Variants in C12orf42 observed in about 807,000 individuals in gnomAD.
C12orf42 encodes uncharacterized protein C12orf42.
A neutral mutation model predicts 21.6 loss-of-function variants in C12orf42; 25 were observed. The ratio of observed to expected loss-of-function variants is 1.16; its 90% CI spans 0.84 to 1.62. C12orf42 has a LOEUF of 1.62. C12orf42 is among the 40% of genes most tolerant of loss of function. The pLI is 0.00. For synonymous variants in C12orf42, 174 were observed against 175.0 expected, an observed-to-expected ratio of 0.99 and a Z score of 0.05; for missense variants, 483 against 459.3, an observed-to-expected ratio of 1.05 and a Z score of -0.47.
At chr12:103,331,132 A>G (rs2041207171) in intron 4 of C12orf42, among the ~76,000 whole-genome samples, 2 of 152,236 alleles carry the variant, frequency 1.3e-5, no homozygotes, top group African/African-American at 4.8e-5. Flanking sequence ...TGCATTTAAT[A>G]TATCTAACTT....
At chr12:103,418,240 A>G (rs549398225) in intron 2 of C12orf42, among the ~76,000 whole-genome samples, 3 of 152,298 alleles carry the variant, frequency 2.0e-5, no homozygotes, top group East Asian at 1.9e-4. Context: ...GGAATTATCA[A>G]TTCGTGAACA....
intron 1 of C12orf42, among the ~76,000 whole-genome samples, chr12:103,493,024 G>A (rs1288453724): frequency 6.6e-6 from 1 of 152,082 alleles, no homozygotes; most frequent in East Asian, 1.9e-4. Flanking sequence ...CAGGATTAAG[G>A]TTTCTGCTGT....
chr12:103,303,024 T>A (rs1379946250), intron 5 of C12orf42, among the ~76,000 whole-genome samples: 1 of 152,190 alleles, frequency 6.6e-6, no homozygotes, highest in Admixed American at 6.5e-5. Flanking sequence ...TGATTTTTTT[T>A]AAATACAGGA....
intron 4 of C12orf42, among the ~76,000 whole-genome samples, chr12:103,339,964 A>T (rs1032056287): frequency 6.6e-6 from 1 of 152,234 alleles, no homozygotes; most frequent in Non-Finnish European, 1.5e-5. Context: ...CTACAAAAAA[A>T]ATTAGCGTGT....
At chr12:103,373,309 G>T (rs1000177264) in intron 3 of C12orf42, among the ~76,000 whole-genome samples, 37 of 152,270 alleles carry the variant, frequency 2.4e-4, no homozygotes, top group African/African-American at 8.9e-4. Context: ...AAGTGGCCTC[G>T]TGTGCTATCG....
At chr12:103,557,008 C>A in the C12orf42 span, among the ~76,000 whole-genome samples, 2 of 151,554 alleles carry the variant, frequency 1.3e-5, no homozygotes, top group East Asian at 3.9e-4. Context: ...TGTGGCCCTG[C>A]CAACACCTTG....
chr12:103,098,436 A>G, the C12orf42 span, among the ~76,000 whole-genome samples: 1 of 152,230 alleles, frequency 6.6e-6, no homozygotes, highest in Non-Finnish European at 1.5e-5. Context: ...AACTTACTAA[A>G]GATACCAGAG....
At chr12:103,239,728 G>A (rs894005194) in intron 10 of C12orf42, among the ~76,000 whole-genome samples, 3 of 152,128 alleles carry the variant, frequency 2.0e-5, no homozygotes, top group Admixed American at 2.0e-4. Context: ...TTGGAAGTGG[G>A]TGTGCATGAA....
the C12orf42 span, among the ~76,000 whole-genome samples, chr12:103,551,053 T>C: frequency 6.6e-6 from 1 of 152,238 alleles, no homozygotes; most frequent in African/African-American, 2.4e-5. Flanking sequence ...TAAAATAGAA[T>C]ACCTAAGAAC....
the C12orf42 span, among the ~76,000 whole-genome samples, chr12:103,205,808 C>T: frequency 6.6e-6 from 1 of 152,062 alleles, no homozygotes; most frequent in Non-Finnish European, 1.5e-5. Context: ...TGTATTACAA[C>T]CACAGGCAAC....
At chr12:103,398,839 C>T (rs2047747751) in intron 3 of C12orf42, among the ~76,000 whole-genome samples, 1 of 152,032 alleles carries the variant, frequency 6.6e-6, no homozygotes, top group African/African-American at 2.4e-5. Context: ...GAGCAAATAG[C>T]ATGCTGTTTA....
intron 2 of C12orf42, among the ~76,000 whole-genome samples, chr12:103,477,715 A>G (rs1018673289): frequency 6.6e-6 from 1 of 152,196 alleles, no homozygotes; most frequent in African/African-American, 2.4e-5. Flanking sequence ...AGAAGCTGGA[A>G]AGGGAAGGAA....
chr12:103,153,873 G>A, the C12orf42 span, among the ~76,000 whole-genome samples: 5 of 151,770 alleles, frequency 3.3e-5, no homozygotes, highest in East Asian at 1.9e-4. Flanking sequence ...TCATAGCATC[G>A]CTATTCACAG....
chr12:103,191,532 C>A, the C12orf42 span, among the ~76,000 whole-genome samples: 40 of 83,434 alleles, frequency 4.8e-4, no homozygotes, highest in Non-Finnish European at 4.3e-4. Flanking sequence ...CATGGTGAAA[C>A]CTCCACTCTA....
At chr12:103,544,806 T>TC in the C12orf42 span, among the ~76,000 whole-genome samples, 3 of 152,226 alleles carry the variant, frequency 2.0e-5, no homozygotes, top group African/African-American at 7.2e-5. Flanking sequence ...TGATTTTTTT[T>TC]CCCGCTTTAT....
At chr12:103,335,061 GT>G (rs2041574147) in intron 4 of C12orf42, among the ~76,000 whole-genome samples, 1 of 152,050 alleles carries the variant, frequency 6.6e-6, no homozygotes, top group Non-Finnish European at 1.5e-5. Context: ...TTATTTCTGT[GT>G]TTTATGAGAG....
chr12:103,546,913 C>G, the C12orf42 span, among the ~76,000 whole-genome samples: 2 of 152,162 alleles, frequency 1.3e-5, no homozygotes, highest in East Asian at 1.9e-4. Flanking sequence ...GATGAACAGG[C>G]CTTGCTAAGT....
chr12:103,072,372 T>C, the C12orf42 span, among the ~76,000 whole-genome samples: 70 of 152,138 alleles, frequency 4.6e-4, no homozygotes, highest in African/African-American at 1.5e-3. Context: ...ACAGATCCTA[T>C]ACCATCTATT....
the C12orf42 span, among the ~76,000 whole-genome samples, chr12:103,144,576 C>A: frequency 1.3e-5 from 2 of 152,192 alleles, no homozygotes; most frequent in African/African-American, 4.8e-5. Flanking sequence ...CACTGCAAGG[C>A]AGTAAGAAAA....
Sources: allele counts gnomAD v4.1 joint callset (sites outside exome capture counted in the v4.1 genomes callset), GRCh38; gene constraint gnomAD v4.1.1; transcripts MANE v1.5; gene names NCBI Gene and HGNC (gene_info 2026-07-23, HGNC 2026-07-21).